The following EXOC5 variants were observed in gnomAD, a reference collection of about 807,000 sequenced individuals.
EXOC5 encodes exocyst complex component 5, also known as SEC10-like 1.
A neutral mutation model predicts 90.8 loss-of-function variants in EXOC5; 17 were observed. The ratio of observed to expected loss-of-function variants is 0.19; its 90% CI spans 0.13 to 0.28. The LOEUF is 0.28. Among genes scored for constraint, EXOC5 ranks in the 10% least tolerant of loss-of-function variants. EXOC5 has a pLI of 1.00. For missense variants in EXOC5, 569 were observed against 830.6 expected, an observed-to-expected ratio of 0.69 and a Z score of 3.87; for synonymous variants, 260 against 270.0, an observed-to-expected ratio of 0.96 and a Z score of 0.36.
At chr14:57,236,565 T>C (rs570292479) in intron 6 of EXOC5, among the ~76,000 whole-genome samples, 2 of 152,064 alleles carry the variant, frequency 1.3e-5, no homozygotes, top group Non-Finnish European at 2.9e-5. Context: ...GGATTACAGG[T>C]GCGAACCACC....
rs1026485588 is a variant in EXOC5 at position 57,240,061 on chromosome 14, T to A, written c.466-402A>T. Among the ~76,000 whole-genome samples, 11 of 152,348 alleles carry A rather than the reference T, an allele frequency of 7.2e-5. No individual in the cohort carries two copies. The East Asian group carries it at 1.9e-3, about 27-fold the overall frequency. On this transcript the variant is annotated intron_variant, in intron 4 of 17. Transcript: ENST00000621441. ...AGATTTATAAAAATAATTTAGAGCA[T>A]ACTGCCACATATATCCTACTGTAAG...
At chr14:57,222,738 CAT>C (rs200409962) in intron 12 of EXOC5, among the ~76,000 whole-genome samples, 74 of 147,582 alleles carry the variant, frequency 5.0e-4, no homozygotes, top group Middle Eastern at 6.9e-3. Context: ...TATACACACA[CAT>C]ATATATATAC....
In EXOC5 at chr14:57,208,467, C is replaced by T. The variant is rs10150771; in HGVS notation, c.*142G>A. ...AAAACCTCAAAGGTAAGTATGGCTG[C>T]TGTTTTGTTCCAGTCATTGTTTCAC... is the stretch of plus-strand genomic sequence containing the variant. On this transcript the variant is annotated 3_prime_UTR_variant, in exon 18 of 18. Transcript: ENST00000621441. 0.2 allele frequency: 105,486 copies of T among 538,574 alleles called. 19,078 individuals are homozygous for T. The highest frequency in any genetic ancestry group is 0.72 in the African/African-American group (39,290 of 54,422). The allele number at this position is 538,574 out of a possible 1,614,324, so 33.4% of individuals were successfully genotyped here.
intron 1 of EXOC5, 178 bp downstream of exon 1, chr14:57,268,444 T>G (rs1884759988): frequency 5.0e-6 from 7 of 1,412,664 alleles, no homozygotes; most frequent in African/African-American, 1.5e-5. Flanking sequence ...CAAGCACCCC[T>G]CCCCCATTTC....
rs1393452694 is a variant in EXOC5, at chr14:57,231,589, T to C, written c.1065A>G (p.Gly355=). 3.2e-5 allele frequency: 52 copies of C among 1,613,046 alleles called. No individual in the cohort carries two copies. Among genetic ancestry groups the C allele is most frequent in the Non-Finnish European group, 4.3e-5 (51 of 1,179,606 alleles). ...TCATAGCACTTCTGCTTTTCAAATATCCAGTCTCCACCTCAATATAGTTCT... is the reference window on the plus strand; with the variant it reads ...TCATAGCACTTCTGCTTTTCAAATACCCAGTCTCCACCTCAATATAGTTCT... ...YLENYIEVET[G]YLKSRSAMIL... is the part of the protein sequence containing the mutation. The change falls in exon 11 of 18, where the codon GGA becomes GGG. Residue 355 remains glycine, a synonymous_variant. Coordinates refer to ENST00000621441, the MANE Select transcript of EXOC5 (RefSeq NM_006544.4).
chr14:57,218,201 C>A (rs575681449), intron 14 of EXOC5, 133 bp from the exon 15 acceptor site: 1 of 480,864 alleles, frequency 2.1e-6, no homozygotes, highest in South Asian at 4.4e-5. Flanking sequence ...ATATTGTTAA[C>A]AAATCCAAGA....
intron 12 of EXOC5, among the ~76,000 whole-genome samples, chr14:57,222,696 C>A: frequency 6.7e-6 from 1 of 148,738 alleles, no homozygotes; most frequent in South Asian, 2.1e-4. Context: ...ATGTATACCC[C>A]CATATATATA....
chr14:57,220,411 G>A (rs1475464930), intron 13 of EXOC5, among the ~76,000 whole-genome samples: 2 of 152,058 alleles, frequency 1.3e-5, no homozygotes, highest in Non-Finnish European at 2.9e-5. Flanking sequence ...CAGCTACAGT[G>A]TAAGTTTTTA....
chr14:57,201,565 ATAT>A lies in EXOC5; in HGVS notation c.*7041_*7043del, dbSNP rs1349857371. 1.1e-5 allele frequency: 1 copy of A among 91,918 alleles called. No homozygotes were observed. Among genetic ancestry groups the A allele is most frequent in the East Asian group, 2.8e-4 (1 of 3,604 alleles). 5.7% of individuals were successfully genotyped at this position (91,918 alleles called of 1,614,324 possible). On this transcript the variant is annotated 3_prime_UTR_variant, in exon 18 of 18. Coordinates refer to ENST00000621441, the MANE Select transcript of EXOC5 (RefSeq NM_006544.4). ...TATACATATATTTTTATATATATTA[ATAT>A]TATATATATATATATATATATATAT...
At chr14:57,261,556 G>A (rs1029284315) in intron 1 of EXOC5, among the ~76,000 whole-genome samples, 6 of 152,212 alleles carry the variant, frequency 3.9e-5, no homozygotes, top group African/African-American at 7.2e-5. Flanking sequence ...GTAAGAAATT[G>A]ATCGGCCTCT....
At chr14:57,210,582 G>C (rs1192693712) in intron 15 of EXOC5, among the ~76,000 whole-genome samples, 1 of 151,976 alleles carries the variant, frequency 6.6e-6, no homozygotes, top group East Asian at 1.9e-4. Flanking sequence ...TAATAGTTTT[G>C]TACATGAAAC....
intron 1 of EXOC5, among the ~76,000 whole-genome samples, chr14:57,249,060 T>C (rs927944349): frequency 6.6e-6 from 1 of 152,158 alleles, no homozygotes; most frequent in Non-Finnish European, 1.5e-5. Flanking sequence ...TCACATGAAA[T>C]ACCCCTATAT....
rs568306816 is a variant in EXOC5, at chr14:57,227,151, T to A, written c.1296+2583A>T. Among the ~76,000 whole-genome samples the A allele has an allele frequency of 5.3e-5, 8 of 152,254 alleles. No individual in the cohort carries two copies. In the South Asian group the frequency reaches 1.7e-3, roughly 32 times the overall value. On this transcript the variant is annotated intron_variant, in intron 12 of 17. Coordinates refer to ENST00000621441, the MANE Select transcript of EXOC5 (RefSeq NM_006544.4). ...TGCACAAAAGATCTGAACAAACACTTCACCAGAGAGTATATATTGACGGCA... is the reference window on the plus strand; with the variant it reads ...TGCACAAAAGATCTGAACAAACACTACACCAGAGAGTATATATTGACGGCA...
chr14:57,258,281 A>T (rs1884406984), intron 1 of EXOC5, among the ~76,000 whole-genome samples: 1 of 152,194 alleles, frequency 6.6e-6, no homozygotes, highest in Admixed American at 6.5e-5. Flanking sequence ...ATAATAGCAA[A>T]GATTTGGAAC....
chr14:57,241,524 T>G (rs567846399), intron 4 of EXOC5, among the ~76,000 whole-genome samples: 5 of 152,238 alleles, frequency 3.3e-5, no homozygotes, highest in Non-Finnish European at 5.9e-5. Context: ...GTCATCATCA[T>G]CATTGTGCTA....
At position 57,233,849 on chromosome 14, in the gene EXOC5, G is replaced by C; in HGVS notation, c.749C>G (p.Ala250Gly). The C allele has an allele frequency of 6.2e-7, 1 of 1,610,314 alleles. No homozygotes were observed. The highest frequency in any genetic ancestry group is 1.1e-5 in the South Asian group (1 of 90,938). Residue 250 changes from alanine to glycine, a missense_variant, in exon 9 of 18, where the codon GCT becomes GGT. Ala to Gly is a moderately conservative substitution (Grantham distance 60). Transcript: ENST00000621441. ...GTTCACTCTTTGACAGAGTATTCCA[G>C]CGTCTTCAAATATATCATTTCTCAA... ...AYLRNDIFED[A>G]GILCQRVNKQ... is the part of the protein sequence containing the mutation.
rs539449124 is a variant in EXOC5 at position 57,206,789 on chromosome 14, A to G, written c.*1820T>C. On this transcript the variant is annotated 3_prime_UTR_variant, in exon 18 of 18. Transcript: ENST00000621441. ...AATTAATCCAAACAAAATAATTTGA[A>G]GCACTTCTCTGATTTGGAAGTCTTA... 6.6e-6 allele frequency: 1 copy of G among 152,648 alleles called. No individual in the cohort carries two copies. The highest frequency in any genetic ancestry group is 2.1e-4 in the South Asian group (1 of 4,828). The allele number at this position is 152,648 out of a possible 1,614,324, so 9.5% of individuals were successfully genotyped here.
chr14:57,216,498 C>T (rs1210796124), intron 15 of EXOC5, among the ~76,000 whole-genome samples: 1 of 152,042 alleles, frequency 6.6e-6, no homozygotes, highest in Non-Finnish European at 1.5e-5. Flanking sequence ...CATTTATGGT[C>T]AACTGCTCTT....
At chr14:57,239,844 CAAT>C (rs1883803677) in intron 4 of EXOC5, among the ~76,000 whole-genome samples, 185 bp from the exon 5 acceptor site, 2 of 152,092 alleles carry the variant, frequency 1.3e-5, no homozygotes, top group African/African-American at 4.8e-5. Flanking sequence ...GGGGTGTTAC[CAAT>C]AATGAGTCAA....
Sources: allele counts gnomAD v4.1 joint callset (sites outside exome capture counted in the v4.1 genomes callset), GRCh38; gene constraint gnomAD v4.1.1; transcripts MANE v1.5; gene names NCBI Gene and HGNC (gene_info 2026-07-23, HGNC 2026-07-21).